The following PHACTR1 variants were observed in gnomAD, a reference collection of about 807,000 sequenced individuals.
PHACTR1 encodes the protein phosphatase and actin regulator 1, also known as RPEL repeat containing 1.
In PHACTR1, 16 loss-of-function variants were observed where a neutral mutation model predicts 69.2. The observed-to-expected ratio is 0.23, with a 90% confidence interval of 0.16 to 0.35. PHACTR1 has a LOEUF of 0.35. Among genes scored for constraint, PHACTR1 ranks in the 10% least tolerant of loss-of-function variants. PHACTR1 has a pLI of 1.00. For synonymous variants in PHACTR1, 312 were observed against 284.5 expected (o/e 1.10, Z -0.97); for missense variants, 510 against 734.7 (o/e 0.69, Z 3.54).
intron 4 of PHACTR1, among the ~76,000 whole-genome samples, chr6:12,808,781 TCTC>T (rs1046987485): frequency 9.3e-5 from 14 of 149,816 alleles, no homozygotes; most frequent in African/African-American, 3.5e-4. Flanking sequence ...TCCTTCTCCT[TCTC>T]CTTCTCCTCC....
chr6:13,286,045 C>G, intron 13 of PHACTR1, 101 bp from the exon 14 acceptor site: 4 of 984,010 alleles, frequency 4.1e-6, no homozygotes, highest in Non-Finnish European at 5.8e-6. Context: ...ACTTGTTTGT[C>G]TTTGTTGAAG....
chr6:12,827,106 A>T (rs1158282902), intron 4 of PHACTR1, among the ~76,000 whole-genome samples: 5 of 152,208 alleles, frequency 3.3e-5, no homozygotes, highest in Non-Finnish European at 5.9e-5. Context: ...ATTATTTAAG[A>T]AAACAACCCA....
At chr6:12,870,552 A>C (rs897341181) in intron 4 of PHACTR1, among the ~76,000 whole-genome samples, 1 of 152,366 alleles carries the variant, frequency 6.6e-6, no homozygotes, top group Admixed American at 6.5e-5. Flanking sequence ...TTTTATTTGA[A>C]GGGTCTGTGT....
rs144424160 is a variant in PHACTR1, at chr6:12,970,549, A to C, written c.251-82816A>C. ...CGTTGTGAGGCCGAGGCAGAAGGTCAGGAGATCGAGATCATCCTGGCCAAC... is the reference window on the plus strand; with the variant it reads ...CGTTGTGAGGCCGAGGCAGAAGGTCCGGAGATCGAGATCATCCTGGCCAAC... On this transcript the variant is annotated intron_variant, in intron 4 of 14. Transcript: ENST00000332995. 8.7e-3 allele frequency among the ~76,000 whole-genome samples: 1,328 copies of C among 152,338 alleles called. 7 individuals carry two copies. Among genetic ancestry groups the C allele is most frequent in the Non-Finnish European group, 0.015 (990 of 68,026 alleles).
At chr6:12,769,950 C>T (rs1324065999) in intron 4 of PHACTR1, among the ~76,000 whole-genome samples, 1 of 152,182 alleles carries the variant, frequency 6.6e-6, no homozygotes, top group African/African-American at 2.4e-5. Flanking sequence ...TTAGGTAACT[C>T]AACTTGGTGG....
At chr6:12,814,457 G>A (rs1775360582) in intron 4 of PHACTR1, among the ~76,000 whole-genome samples, 1 of 152,226 alleles carries the variant, frequency 6.6e-6, no homozygotes, top group Non-Finnish European at 1.5e-5. Context: ...ATTTGGCAAA[G>A]GCCACAGATA....
chr6:12,911,618 A>C (rs1721154605), intron 4 of PHACTR1, among the ~76,000 whole-genome samples: 1 of 152,156 alleles, frequency 6.6e-6, no homozygotes, highest in African/African-American at 2.4e-5. Flanking sequence ...AAGATTATCT[A>C]GTTCAAAAGC....
chr6:13,001,365 G>A (rs968535023), intron 4 of PHACTR1, among the ~76,000 whole-genome samples: 1 of 152,100 alleles, frequency 6.6e-6, no homozygotes, highest in East Asian at 1.9e-4. Context: ...CACTGTATTC[G>A]GAGGAAGTGA....
chr6:12,961,393 A>C (rs908842850), intron 4 of PHACTR1, among the ~76,000 whole-genome samples: 2 of 152,202 alleles, frequency 1.3e-5, no homozygotes, highest in African/African-American at 4.8e-5. Context: ...GGAAAGCGGT[A>C]TTGAAAGACT....
intron 8 of PHACTR1, among the ~76,000 whole-genome samples, chr6:13,211,584 T>C (rs1766854265): frequency 6.6e-6 from 1 of 152,194 alleles, no homozygotes; most frequent in Non-Finnish European, 1.5e-5. Context: ...CCCTTCTCAA[T>C]TAAAGGCAAC....
intron 10 of PHACTR1, among the ~76,000 whole-genome samples, chr6:13,237,153 G>T (rs1052177017): frequency 7.9e-5 from 12 of 152,160 alleles, no homozygotes; most frequent in African/African-American, 2.9e-4. Context: ...AAAGTAGAAG[G>T]ATCACTTGAG....
intron 4 of PHACTR1, among the ~76,000 whole-genome samples, chr6:12,872,763 T>C (rs1782171168): frequency 6.6e-6 from 1 of 152,150 alleles, no homozygotes; most frequent in South Asian, 2.1e-4. Flanking sequence ...ACATGCTGCA[T>C]ACAGGTACAT....
intron 5 of PHACTR1, among the ~76,000 whole-genome samples, chr6:13,153,683 A>G (rs1324113706): frequency 6.6e-6 from 1 of 152,016 alleles, no homozygotes; most frequent in East Asian, 1.9e-4. Context: ...AAATTTGGTT[A>G]TTTTCTAAAG....
At chr6:12,870,182 C>T (rs1288701162) in intron 4 of PHACTR1, among the ~76,000 whole-genome samples, 1 of 151,726 alleles carries the variant, frequency 6.6e-6, no homozygotes, top group Non-Finnish European at 1.5e-5. Context: ...TGGCTCAAGG[C>T]AAACATGCAC....
At chr6:12,988,891 G>A (rs1300093616) in intron 4 of PHACTR1, among the ~76,000 whole-genome samples, 1 of 152,244 alleles carries the variant, frequency 6.6e-6, no homozygotes, top group Admixed American at 6.5e-5. Flanking sequence ...TGTGAAAGCA[G>A]GATTTAGGTG....
chr6:13,160,150 A>G (rs1196202589), intron 5 of PHACTR1, 54 bp from the exon 6 acceptor site: 1 of 1,494,244 alleles, frequency 6.7e-7, no homozygotes, highest in Non-Finnish European at 9.3e-7. Context: ...ATCCTTTAGA[A>G]GACAACTTTG....
chr6:13,122,835 T>C (rs938051162), intron 5 of PHACTR1, among the ~76,000 whole-genome samples: 1 of 152,202 alleles, frequency 6.6e-6, no homozygotes, highest in African/African-American at 2.4e-5. Context: ...TGAGTTAAAG[T>C]CACTGTCTTT....
At chr6:13,023,727 A>G (rs1801307548) in intron 4 of PHACTR1, among the ~76,000 whole-genome samples, 1 of 152,230 alleles carries the variant, frequency 6.6e-6, no homozygotes, top group Non-Finnish European at 1.5e-5. Flanking sequence ...GTGCGGAACA[A>G]GTAACAGAAG....
At chr6:13,167,795 A>G (rs1033836938) in intron 6 of PHACTR1, among the ~76,000 whole-genome samples, 1 of 152,228 alleles carries the variant, frequency 6.6e-6, no homozygotes, top group Non-Finnish European at 1.5e-5. Context: ...GTTATTTTTA[A>G]TTATAAACAC....
Sources: gnomAD v4.1 joint callset for allele counts (sites outside exome capture counted in the v4.1 genomes callset) on GRCh38, gnomAD v4.1.1 for gene constraint, MANE v1.5 for transcripts, NCBI Gene and HGNC (gene_info 2026-07-23, HGNC 2026-07-21) for gene names.